Variants in EIF4G3 observed in about 807,000 individuals in gnomAD.
EIF4G3 encodes the protein eukaryotic translation initiation factor 4 gamma 3.
EIF4G3 carries 34 observed loss-of-function variants against 186.4 expected under a neutral mutation model. The observed-to-expected ratio is 0.18, with a 90% confidence interval of 0.14 to 0.24. The LOEUF (loss-of-function observed/expected upper bound fraction) is 0.24. Among genes scored for constraint, EIF4G3 ranks in the 10% least tolerant of loss-of-function variants. The probability of loss-of-function intolerance (pLI) is 1.00; values close to 1 mark genes in which losing one functional copy is unlikely to be tolerated. For missense variants in EIF4G3, 1,536 were observed against 1,948.5 expected, an observed-to-expected ratio of 0.79 and a Z score of 3.99; for synonymous variants, 673 against 679.5, an observed-to-expected ratio of 0.99 and a Z score of 0.15.
intron 16 of EIF4G3, among the ~76,000 whole-genome samples, chr1:20,897,169 TC>T (rs893749292): frequency 1.3e-5 from 2 of 152,214 alleles, no homozygotes; most frequent in African/African-American, 4.8e-5. Flanking sequence ...CATCACTTGT[TC>T]TTTCATCCCT....
intron 15 of EIF4G3, among the ~76,000 whole-genome samples, chr1:20,900,667 AG>A (rs1425316022): frequency 2.0e-5 from 3 of 152,164 alleles, no homozygotes; most frequent in Non-Finnish European, 2.9e-5. Context: ...GGCTCTGTAA[AG>A]GCCTCATGAA....
At chr1:20,902,149 C>T (rs914522704) in intron 15 of EIF4G3, among the ~76,000 whole-genome samples, 7 of 151,798 alleles carry the variant, frequency 4.6e-5, no homozygotes, top group East Asian at 1.9e-4. Context: ...CTGCAATCTC[C>T]GCCTCCCAGG....
chr1:21,119,092 T>C (rs1436394623), intron 2 of EIF4G3, among the ~76,000 whole-genome samples: 2 of 152,152 alleles, frequency 1.3e-5, no homozygotes, highest in Admixed American at 6.5e-5. Context: ...TATGAAGAGC[T>C]ACATTAGAAT....
chr1:20,989,452 G>A (rs1053447680), intron 7 of EIF4G3, among the ~76,000 whole-genome samples: 1 of 151,128 alleles, frequency 6.6e-6, no homozygotes, highest in Non-Finnish European at 1.5e-5. Flanking sequence ...AGCTACTCGG[G>A]AGGGTGAGCC....
chr1:21,175,183 G>A (rs566487705), intron 2 of EIF4G3: 3 of 152,256 alleles, frequency 2.0e-5, no homozygotes, highest in Admixed American at 6.5e-5. Context: ...GATGCATGAT[G>A]AAATGTTATT....
chr1:20,935,482 T>C (rs2095490521), intron 14 of EIF4G3, among the ~76,000 whole-genome samples: 1 of 152,238 alleles, frequency 6.6e-6, no homozygotes, highest in African/African-American at 2.4e-5. Flanking sequence ...GAGAGAATTA[T>C]CTTTTTTCTT....
intron 24 of EIF4G3, among the ~76,000 whole-genome samples, chr1:20,858,428 A>ATT (rs965262744): frequency 5.3e-5 from 8 of 152,178 alleles, no homozygotes; most frequent in Admixed American, 4.6e-4. Context: ...TTTCCACATG[A>ATT]TTTAACACCC....
chr1:20,882,176 T>TACACACACACAC (rs138208807), intron 19 of EIF4G3, among the ~76,000 whole-genome samples: 2,044 of 86,936 alleles, frequency 0.024, 32 homozygotes, highest in South Asian at 0.08. Flanking sequence ...AAAGAAAAAT[T>TACACACACACAC]ACACACACAC....
chr1:21,051,265 A>G (rs2094196968), intron 3 of EIF4G3, among the ~76,000 whole-genome samples: 1 of 152,240 alleles, frequency 6.6e-6, no homozygotes, highest in Non-Finnish European at 1.5e-5. Context: ...TGCTACAGGA[A>G]AGAAACAATA....
chr1:20,968,893 T>C (rs951085879), intron 12 of EIF4G3, among the ~76,000 whole-genome samples: 16 of 152,166 alleles, frequency 1.1e-4, no homozygotes, highest in African/African-American at 3.9e-4. Flanking sequence ...ATTTTGGTAC[T>C]GTGGAGGGGG....
chr1:21,039,767 G>A (rs914951033), intron 4 of EIF4G3, among the ~76,000 whole-genome samples: 1 of 152,092 alleles, frequency 6.6e-6, no homozygotes, highest in Non-Finnish European at 1.5e-5. Context: ...TAACTGATAA[G>A]GAATTGATAT....
chr1:20,869,530 C>A (rs1451202360), intron 20 of EIF4G3, among the ~76,000 whole-genome samples: 1 of 151,746 alleles, frequency 6.6e-6, no homozygotes, highest in African/African-American at 2.4e-5. Flanking sequence ...AATCCCAGCA[C>A]TTTGGGAAGC....
intron 4 of EIF4G3, among the ~76,000 whole-genome samples, chr1:21,025,481 A>G (rs2091939932): frequency 6.6e-6 from 1 of 152,128 alleles, no homozygotes; most frequent in Non-Finnish European, 1.5e-5. Flanking sequence ...GTTAATTCAT[A>G]TATTATAGAA....
At chr1:20,944,940 G>A (rs965166526) in intron 13 of EIF4G3, among the ~76,000 whole-genome samples, 2 of 152,122 alleles carry the variant, frequency 1.3e-5, no homozygotes, top group Non-Finnish European at 2.9e-5. Flanking sequence ...TGGAGGTTGA[G>A]GCTGCAGGGA....
chr1:21,005,235 G>A (rs1168986546), intron 4 of EIF4G3, among the ~76,000 whole-genome samples: 2 of 152,034 alleles, frequency 1.3e-5, no homozygotes, highest in Non-Finnish European at 2.9e-5. Context: ...TTGAGAATCT[G>A]AATATAGTTT....
chr1:20,946,470 A>G (rs2095954362), intron 13 of EIF4G3, among the ~76,000 whole-genome samples: 1 of 152,206 alleles, frequency 6.6e-6, no homozygotes, highest in Non-Finnish European at 1.5e-5. Context: ...ATGTCTTCAT[A>G]AGGTGCCAAA....
chr1:20,868,085 A>ATTTTT (rs1553236764), intron 20 of EIF4G3, among the ~76,000 whole-genome samples: 1 of 14,686 alleles, frequency 6.8e-5, no homozygotes, highest in Non-Finnish European at 2.0e-4. Context: ...ATTCATGGTG[A>ATTTTT]TTTTCTTTTT....
intron 2 of EIF4G3, among the ~76,000 whole-genome samples, chr1:21,170,224 TAC>T (rs1172333222): frequency 2.0e-5 from 3 of 151,098 alleles, no homozygotes; most frequent in South Asian, 4.2e-4. Context: ...CAAATAAATT[TAC>T]AGACTGCCTA....
chr1:20,882,427 C>T (rs1208670700), intron 19 of EIF4G3, among the ~76,000 whole-genome samples: 1 of 151,970 alleles, frequency 6.6e-6, no homozygotes, highest in African/African-American at 2.4e-5. Context: ...CCAGAGTAGC[C>T]TGGTCAATGT....
Sources: gnomAD v4.1 joint callset for allele counts (sites outside exome capture counted in the v4.1 genomes callset) on GRCh38, gnomAD v4.1.1 for gene constraint, MANE v1.5 for transcripts, NCBI Gene and HGNC (gene_info 2026-07-23, HGNC 2026-07-21) for gene names.